The following LY86 variants were observed in gnomAD, a reference collection of about 807,000 sequenced individuals.
LY86 encodes the protein MD-1, RP105-associated.
LY86 carries 20 observed loss-of-function variants against 17.3 expected under a neutral mutation model. That is an observed-to-expected ratio of 1.15 (90% CI 0.81 to 1.68). The LOEUF is 1.68. Among genes scored for constraint, LY86 ranks in the 40% most tolerant of loss-of-function variants. The pLI, the probability that LY86 is intolerant of heterozygous loss-of-function variation, is 0.00. For missense variants in LY86, 200 were observed against 191.9 expected (o/e 1.04, Z -0.25); for synonymous variants, 74 against 70.6 (o/e 1.05, Z -0.24).
At chr6:6,643,199 G>T (rs756762439) in intron 3 of LY86, among the ~76,000 whole-genome samples, 4 of 152,118 alleles carry the variant, frequency 2.6e-5, no homozygotes, top group Non-Finnish European at 5.9e-5. Context: ...CACAGTGTCT[G>T]TACTAATTTA....
At chr6:6,645,664 C>T (rs544712251) in intron 3 of LY86, among the ~76,000 whole-genome samples, 41 of 151,998 alleles carry the variant, frequency 2.7e-4, no homozygotes, top group Non-Finnish European at 1.3e-4. Flanking sequence ...CCAGCCAGAT[C>T]AGACAGGGAT....
chr6:6,615,059 T>A (rs1356410826), intron 1 of LY86, among the ~76,000 whole-genome samples: 1 of 152,192 alleles, frequency 6.6e-6, no homozygotes, highest in African/African-American at 2.4e-5. Flanking sequence ...GGTTAAACTT[T>A]GAGCCGAGTG....
chr6:6,639,074 C>T (rs975347522), intron 3 of LY86, among the ~76,000 whole-genome samples: 2 of 152,022 alleles, frequency 1.3e-5, no homozygotes, highest in Admixed American at 6.6e-5. Context: ...GGCACATATA[C>T]ACCATGGAAT....
rs149587413 is a variant in LY86, at chr6:6,614,537, A to T, written c.137-10389A>T. Among the ~76,000 whole-genome samples the T allele has an allele frequency of 4.6e-5, 7 of 152,090 alleles. No individual in the cohort carries two copies. The East Asian group carries it at 1.4e-3, about 29-fold the overall frequency. ...TCTCCCAGCCCCACGCCGCCCACTC[A>T]CATCTGCCCAGCTCTGCTGTTCTTC... is the stretch of plus-strand genomic sequence containing the variant. On this transcript the variant is annotated intron_variant, in intron 1 of 4. Coordinates refer to ENST00000230568, the MANE Select transcript of LY86 (RefSeq NM_004271.4).
chr6:6,588,762 C>T lies in LY86; in HGVS notation c.28C>T (p.Leu10Phe), dbSNP rs770698853. Residue 10 changes from leucine to phenylalanine, a missense_variant, in exon 1 of 5, where the codon CTC becomes TTC. Transcript: ENST00000230568. ...GAAGGGTTTCACAGCCACTCTCTTC[C>T]TCTGGACTCTGATTTTTCCCAGCTG... MKGFTATLF[L>F]WTLIFPSCSG... 6.2e-7 allele frequency: 1 copy of T among 1,614,174 alleles called. No individual in the cohort carries two copies. The highest frequency in any genetic ancestry group is 8.5e-7 in the Non-Finnish European group (1 of 1,180,024).
rs139601431 is a variant in LY86 at position 6,642,336 on chromosome 6, G to A, written c.353-7289G>A. Among the ~76,000 whole-genome samples, 1,109 of 152,352 alleles carry A rather than the reference G, an allele frequency of 7.3e-3. 22 individuals carry two copies. Among genetic ancestry groups the A allele is most frequent in the African/African-American group, 0.026 (1,077 of 41,564 alleles). On this transcript the variant is annotated intron_variant, in intron 3 of 4. Coordinates refer to ENST00000230568, the MANE Select transcript of LY86 (RefSeq NM_004271.4). The stretch of plus-strand genomic sequence containing the variant: ...CCAAGCCTGCAGCACTGAGAGTCCC[G>A]GGAGGACCCCTCCAGGGGAGACACA...
At chr6:6,648,188 C>G (rs1344012477) in intron 3 of LY86, among the ~76,000 whole-genome samples, 3 of 152,142 alleles carry the variant, frequency 2.0e-5, no homozygotes, top group African/African-American at 7.2e-5. Context: ...CTTCACCAAT[C>G]CATCATTTAC....
intron 3 of LY86, among the ~76,000 whole-genome samples, chr6:6,641,321 A>T (rs1368511986): frequency 6.6e-6 from 1 of 152,246 alleles, no homozygotes; most frequent in Non-Finnish European, 1.5e-5. Flanking sequence ...ACTATTGGAC[A>T]CTTGTGCGCT....
At chr6:6,589,075 T>A (rs1202309417) in intron 1 of LY86, among the ~76,000 whole-genome samples, 1 of 152,168 alleles carries the variant, frequency 6.6e-6, no homozygotes. Flanking sequence ...CGGAAGAGAA[T>A]GGCAGAACAA....
intron 1 of LY86, among the ~76,000 whole-genome samples, chr6:6,590,695 A>T (rs143554220): frequency 4.8e-4 from 73 of 152,226 alleles, no homozygotes; most frequent in African/African-American, 1.3e-3. Flanking sequence ...TTGGAGGGAG[A>T]TGGGGGCAAA....
chr6:6,613,338 G>T (rs116491519), intron 1 of LY86, among the ~76,000 whole-genome samples: 3 of 152,288 alleles, frequency 2.0e-5, no homozygotes, highest in African/African-American at 7.2e-5. Flanking sequence ...GGCGCTGCTC[G>T]TCGGGGAGGC....
At chr6:6,634,288 T>G (rs1011191319) in intron 3 of LY86, among the ~76,000 whole-genome samples, 1 of 152,268 alleles carries the variant, frequency 6.6e-6, no homozygotes, top group Non-Finnish European at 1.5e-5. Flanking sequence ...TGACACCTTT[T>G]GCAATCTGAA....
At chr6:6,638,813 C>T (rs1333358303) in intron 3 of LY86, among the ~76,000 whole-genome samples, 1 of 110,764 alleles carries the variant, frequency 9.0e-6, no homozygotes, top group African/African-American at 3.5e-5. Flanking sequence ...CCCCCCTCCC[C>T]CCACCCCACA....
At chr6:6,614,377 C>CTTTTTTTTTT (rs57187485) in intron 1 of LY86, among the ~76,000 whole-genome samples, 1 of 145,550 alleles carries the variant, frequency 6.9e-6, no homozygotes, top group African/African-American at 2.5e-5. Flanking sequence ...AATCACGTCT[C>CTTTTTTTTTT]TTTTTTTTTT....
Position 6,613,587 on chromosome 6 carries a change from C to T in LY86, c.137-11339C>T, listed in dbSNP as rs1003220102. On this transcript the variant is annotated intron_variant, in intron 1 of 4. Transcript: ENST00000230568. ...CGCCCACCGGGAACTCGCTCTGGCC[C>T]GCAAGCGCCGCGCGCCGCCCGGGTT... is the stretch of plus-strand genomic sequence containing the variant. 3.3e-5 allele frequency among the ~76,000 whole-genome samples: 5 copies of T among 152,296 alleles called. No homozygotes were observed. In the East Asian group the frequency reaches 5.8e-4, roughly 18 times the overall value.
At chr6:6,610,330 G>A (rs930188162) in intron 1 of LY86, among the ~76,000 whole-genome samples, 1 of 152,046 alleles carries the variant, frequency 6.6e-6, no homozygotes, top group African/African-American at 2.4e-5. Flanking sequence ...AAGATAAAAA[G>A]ATTTTATTTT....
intron 1 of LY86, among the ~76,000 whole-genome samples, chr6:6,614,006 C>T (rs1460802019): frequency 2.0e-5 from 3 of 152,236 alleles, no homozygotes; most frequent in Non-Finnish European, 4.4e-5. Context: ...TTCCTTAGAA[C>T]CTTCTACTTA....
At position 6,626,221 on chromosome 6, in the gene LY86, G is replaced by A. The variant is rs908717347; in HGVS notation, c.224-72G>A. On this transcript the variant is annotated intron_variant, in intron 2 of 4. Coordinates refer to ENST00000230568, the MANE Select transcript of LY86 (RefSeq NM_004271.4). ...AAAAGGTTCTTTAGCTCATGCTGCT[G>A]TATACTGTGAATGCCTCTGATACAC... The A allele has an allele frequency of 1.0e-5, 15 of 1,482,230 alleles. No individual in the cohort carries two copies. In the Admixed American group the frequency reaches 2.4e-4, roughly 23 times the overall value. 91.8% of individuals were successfully genotyped at this position (1,482,230 alleles called of 1,614,324 possible). A position where few individuals can be genotyped will look rare whatever the true frequency, so the allele number is the denominator to read the frequency against.
intron 1 of LY86, among the ~76,000 whole-genome samples, chr6:6,590,054 G>T (rs1233817220): frequency 6.8e-6 from 1 of 147,104 alleles, no homozygotes; most frequent in Non-Finnish European, 1.5e-5. Context: ...GGAGGTGGAG[G>T]TTGCAGTGAG....
Sources: allele counts gnomAD v4.1 joint callset (sites outside exome capture counted in the v4.1 genomes callset), GRCh38; gene constraint gnomAD v4.1.1; transcripts MANE v1.5; gene names NCBI Gene and HGNC (gene_info 2026-07-23, HGNC 2026-07-21).